SNAPC4: variants seen among roughly 807,000 people sequenced by gnomAD.
SNAPC4 encodes snRNA-activating protein complex subunit 4.
Under a neutral mutation model 151.3 loss-of-function variants are expected in SNAPC4, and 127 were observed. That is an observed-to-expected ratio of 0.84 (90% CI 0.73 to 0.97). The LOEUF is 0.97. SNAPC4 is among the 50% of genes least tolerant of loss of function. The probability of loss-of-function intolerance (pLI) is 0.00; values close to 1 mark genes in which losing one functional copy is unlikely to be tolerated. For synonymous variants in SNAPC4, 1,002 were observed against 824.4 expected (o/e 1.22, Z -3.69); for missense variants, 2,186 against 1,935.0 (o/e 1.13, Z -2.43).
chr9:136,392,890 C>T, intron 7 of SNAPC4, 113 bp from the exon 8 acceptor site: 4 of 830,802 alleles, frequency 4.8e-6, no homozygotes, highest in South Asian at 1.6e-5. Context: ...TCCGAGCCTC[C>T]CTCACCCTCC....
rs192146520 is a variant in SNAPC4 at position 136,394,045 on chromosome 9, G to A, written c.632+204C>T. ...CGATCCTCCCACCTCAGCCTCCCGA[G>A]TAGCTGGGACCACAGGTGTGCACCA... On this transcript the variant is annotated intron_variant, in intron 7 of 23. Coordinates refer to ENST00000684778, the MANE Select transcript of SNAPC4 (RefSeq NM_003086.4). Among the ~76,000 whole-genome samples the A allele has an allele frequency of 9.8e-5, 15 of 152,368 alleles. No homozygotes were observed. In the East Asian group the frequency reaches 1.5e-3, roughly 16 times the overall value.
chr9:136,381,488 G>A (rs1397597224), intron 18 of SNAPC4, 96 bp from the exon 19 acceptor site: 2 of 1,150,786 alleles, frequency 1.7e-6, no homozygotes, highest in Non-Finnish European at 1.3e-6. Flanking sequence ...TGCCTTTCGA[G>A]GCGGCTCTGG....
chr9:136,383,769 G>A lies in SNAPC4; in HGVS notation c.1501-101C>T, dbSNP rs373936988. ...TTTGGGGAGAGGCCCAAGCGGGGGC[G>A]CCTCCGGGGTCAAGAGCAGCCGCTG... On this transcript the variant is annotated intron_variant, in intron 15 of 23. Transcript: ENST00000684778. This position sits in a 1 kb window ranked among gnomAD's most constrained non-coding sequence, Gnocchi z 4.2. 12 of 1,468,102 alleles carry A rather than the reference G, an allele frequency of 8.2e-6. No homozygotes were observed. The African/African-American group carries it at 8.4e-5, about 10-fold the overall frequency. The allele number at this position is 1,468,102 out of a possible 1,614,324, so 90.9% of individuals were successfully genotyped here.
At position 136,379,849 on chromosome 9, in the gene SNAPC4, G is replaced by A; in HGVS notation, c.2515C>T (p.Gln839Ter). ...VHLLQASSSA[Q>*]STPGHLFPNV... is the part of the protein sequence containing the mutation. ...GAAGCAGAGTTACCTGGGGTGCTCT[G>A]GGCACTTGAGGATGCCTGGAAATGA... Residue 839 changes from glutamine to a stop codon, truncating the protein, a stop_gained, in exon 21 of 24, where the codon CAG becomes TAG. Transcript: ENST00000684778. LOFTEE classifies it high-confidence loss of function. 1.9e-6 allele frequency: 3 copies of A among 1,613,268 alleles called. No individual in the cohort carries two copies. The highest frequency in any genetic ancestry group is 2.5e-6 in the Non-Finnish European group (3 of 1,179,686).
At chr9:136,399,900 C>G (rs773191396) in intron 1 of SNAPC4, among the ~76,000 whole-genome samples, 8 of 152,114 alleles carry the variant, frequency 5.3e-5, no homozygotes, top group Non-Finnish European at 1.2e-4. Flanking sequence ...GCCGGAGCCT[C>G]CTCGGAGCCC....
chr9:136,389,082 A>C (rs1227993328), intron 10 of SNAPC4, among the ~76,000 whole-genome samples: 1 of 152,082 alleles, frequency 6.6e-6, no homozygotes, highest in African/African-American at 2.4e-5. Context: ...GTCTCAGGAG[A>C]CGCCCTCAGA....
chr9:136,387,496 C>T lies in SNAPC4; in HGVS notation c.1314G>A (p.Gln438=). The T allele has an allele frequency of 6.2e-7, 1 of 1,612,118 alleles. No homozygotes were observed. The highest frequency in any genetic ancestry group is 1.1e-5 in the South Asian group (1 of 91,058). Residue 438 remains glutamine, a synonymous_variant, in exon 13 of 24, where the codon CAG becomes CAA. Coordinates refer to ENST00000684778, the MANE Select transcript of SNAPC4 (RefSeq NM_003086.4). ...REEVPGRSDA[Q]CRDRYLRRLH... is the part of the protein sequence containing the mutation. ...GCTGTGCGACTCACCGATCTCGGCA[C>T]TGGGCATCGCTCCTACCTGGCACCT...
chr9:136,384,126 C>T, intron 14 of SNAPC4, 94 bp from the exon 15 acceptor site: 1 of 998,216 alleles, frequency 1.0e-6, no homozygotes, highest in African/African-American at 1.6e-5. Context: ...GTGGCCCCAT[C>T]AGAGTGGAGC....
rs188665320 is a variant in SNAPC4, at chr9:136,388,482, T to C, written c.1085A>G (p.Gln362Arg). Reference protein sequence around the residue: ...EEDRMLTQLVQEMRVGSHIPY... With the variant: ...EEDRMLTQLVREMRVGSHIPY... ...GATGTGGCTGCCGACGCGCATCTCCTGCACCAGCTGCGTGAGCATGCGGTC... is the reference window on the plus strand; with the variant it reads ...GATGTGGCTGCCGACGCGCATCTCCCGCACCAGCTGCGTGAGCATGCGGTC... Residue 362 changes from glutamine (Q) to arginine (R), a missense_variant, in exon 11 of 24, where the codon CAG (glutamine) becomes CGG (arginine). Gln to Arg is a conservative substitution (Grantham distance 43). Transcript: ENST00000684778. 4.0e-5 allele frequency: 64 copies of C among 1,613,012 alleles called. No homozygotes were observed. In the Admixed American group the frequency reaches 9.2e-4, roughly 23 times the overall value.
Position 136,392,777 on chromosome 9 carries a change from C to G in SNAPC4, c.633G>C (p.Lys211Asn). The change falls in exon 8 of 24, where the codon AAG becomes AAC. Residue 211 changes from lysine (K) to asparagine (N), a missense_variant and splice_region_variant. Physicochemically the swap from Lys to Asn is moderately conservative, Grantham distance 94. Transcript: ENST00000684778. ...LQRLLQPKLL[K>N]LEYLHQKQSK... ...TCTGCTTCTGGTGCAAGTACTCGAGCCTGCAAAGCAGAGCAGAGGCAGAAG... is the reference window on the plus strand; with the variant it reads ...TCTGCTTCTGGTGCAAGTACTCGAGGCTGCAAAGCAGAGCAGAGGCAGAAG... The G allele has an allele frequency of 6.2e-7, 1 of 1,613,288 alleles. No individual in the cohort carries two copies. The highest frequency in any genetic ancestry group is 8.5e-7 in the Non-Finnish European group (1 of 1,179,920).
In SNAPC4 at chr9:136,377,627, A is replaced by G; in HGVS notation, c.4200T>C (p.Ser1400=). 6.4e-7 allele frequency: 1 copy of G among 1,573,548 alleles called. No homozygotes were observed. The highest frequency in any genetic ancestry group is 8.6e-7 in the Non-Finnish European group (1 of 1,158,316). ...GCTCACTCAGGAGGTCTTCATCCTC[A>G]CTCTCAGAGCCCACCCTCGAAGGTA... ...LSVPSRVGSE[S]EDEDLLSELE... The change falls in exon 22 of 24, where the codon AGT becomes AGC. Residue 1400 remains serine (S), a synonymous_variant. Transcript: ENST00000684778.
chr9:136,377,394 A>G, intron 22 of SNAPC4, 149 bp downstream of exon 22: 1 of 1,024,076 alleles, frequency 9.8e-7, no homozygotes, highest in African/African-American at 1.6e-5. Flanking sequence ...TGGGCAGGCC[A>G]GGAACCAGCT....
chr9:136,391,983 GTGCAGCCGCGATCGCC>G lies in SNAPC4; in HGVS notation c.918_933del (p.Gln306HisfsTer34). ...ATCTTCTGCCACTCCAGGTGGCCGT[GTGCAGCCGCGATCGCC>G]TGCAGCCGCTCCTCCTCCTCCCTGC... is the stretch of plus-strand genomic sequence containing the variant. On this transcript the variant is annotated frameshift_variant, in exon 10 of 24. Transcript: ENST00000684778. LOFTEE classifies it high-confidence loss of function. The G allele has an allele frequency of 6.2e-7, 1 of 1,607,920 alleles. No individual in the cohort carries two copies. The highest frequency in any genetic ancestry group is 8.5e-7 in the Non-Finnish European group (1 of 1,179,982).
rs753426865 is a variant in SNAPC4 at position 136,377,611 on chromosome 9, G to C, written c.4216C>G (p.Leu1406Val). The change falls in exon 22 of 24, where the codon CTG (leucine) becomes GTG (valine). Residue 1406 changes from leucine to valine, a missense_variant. Coordinates refer to ENST00000684778, the MANE Select transcript of SNAPC4 (RefSeq NM_003086.4). The part of the protein sequence containing the change: ...VGSESEDEDL[L>V]SELELADRDG... ...CTGTCTGCAAGTTCCAGCTCACTCA[G>C]GAGGTCTTCATCCTCACTCTCAGAG... 6.4e-7 allele frequency: 1 copy of C among 1,556,962 alleles called. No individual in the cohort carries two copies. Among genetic ancestry groups the C allele is most frequent in the Non-Finnish European group, 8.7e-7 (1 of 1,149,150 alleles).
In SNAPC4 at chr9:136,381,882, C is replaced by T. The variant is rs150375907; in HGVS notation, c.2259G>A (p.Gly753=). 18 of 1,612,956 alleles carry T rather than the reference C, an allele frequency of 1.1e-5. No homozygotes were observed. The highest frequency in any genetic ancestry group is 1.7e-5 in the Admixed American group (1 of 60,022). The part of the protein sequence containing the change: ...RLLLAVTPWV[G]DVVVPCTQAS... Reference sequence around the variant, plus strand: ...CCTGTGTGCAGGGCACGACAACGTCCCCTACCCAAGGGGTCACAGCCAGCA... The same window carrying T: ...CCTGTGTGCAGGGCACGACAACGTCTCCTACCCAAGGGGTCACAGCCAGCA... Residue 753 remains glycine, a synonymous_variant, in exon 18 of 24, where the codon GGG becomes GGA. Transcript: ENST00000684778.
At chr9:136,387,601 C>T in intron 12 of SNAPC4, 22 bp from the exon 13 acceptor site, 1 of 1,569,150 alleles carries the variant, frequency 6.4e-7, no homozygotes, top group Non-Finnish European at 8.8e-7. Flanking sequence ...GACAGGCAGA[C>T]AAGTGAAGCC....
At position 136,395,392 on chromosome 9, in the gene SNAPC4, T is replaced by C; in HGVS notation, c.377A>G (p.Lys126Arg). ...TTTGCCATCTTTCACCTTGGTGCCT[T>C]TGGACCCAGCCAGATCCCTCATGAG... ...EELMRDLAGS[K>R]GTKVKDGKSL... The change falls in exon 5 of 24, where the codon AAA (lysine) becomes AGA (arginine). Residue 126 changes from lysine to arginine, a missense_variant. By Grantham distance (26) the Lys-to-Arg change is conservative (BLOSUM62 2). Transcript: ENST00000684778. 3.7e-6 allele frequency: 6 copies of C among 1,613,498 alleles called. No individual in the cohort carries two copies. Among genetic ancestry groups the C allele is most frequent in the Non-Finnish European group, 5.1e-6 (6 of 1,179,958 alleles).
Position 136,383,111 on chromosome 9 carries a change from T to C in SNAPC4, c.1983+75A>G, listed in dbSNP as rs183463217. On this transcript the variant is annotated intron_variant, in intron 16 of 23. Transcript: ENST00000684778. The surrounding 1 kb of genome is among the most constrained non-coding windows in gnomAD (Gnocchi z 4.2). ...AACCCTGGGGCCCCTGCTGCTGCAC[T>C]ATCCCCAAGCGTCAGCCCTGGCGAG... 974 of 1,487,486 alleles carry C rather than the reference T, an allele frequency of 6.5e-4. 2 individuals carry two copies. The highest frequency in any genetic ancestry group is 8.4e-4 in the Non-Finnish European group (938 of 1,122,762). The allele number at this position is 1,487,486 out of a possible 1,614,324, so 92.1% of individuals were successfully genotyped here. A position where few individuals can be genotyped will look rare whatever the true frequency, so the allele number is the denominator to read the frequency against.
At chr9:136,398,674 C>T in intron 1 of SNAPC4, 2 of 439,570 alleles carry the variant, frequency 4.5e-6, no homozygotes, top group South Asian at 5.6e-5. Flanking sequence ...AAGAACATCT[C>T]CCGCCTGCTC....
Sources: gnomAD v4.1 joint callset for allele counts (sites outside exome capture counted in the v4.1 genomes callset) on GRCh38, gnomAD v4.1.1 for gene constraint, Gnocchi (gnomAD v3.1) non-coding constraint, MANE v1.5 for transcripts, NCBI Gene and HGNC (gene_info 2026-07-23, HGNC 2026-07-21) for gene names.